GNA12: variants seen among roughly 807,000 people sequenced by gnomAD.
The protein encoded by GNA12 is G protein subunit alpha 12, also known as guanine nucleotide-binding protein subunit alpha-12.
Under a neutral mutation model 26.0 loss-of-function variants are expected in GNA12, and 9 were observed. The observed-to-expected ratio is 0.35, with a 90% CI of 0.21 to 0.60. The LOEUF is 0.60. Ranked by LOEUF, GNA12 falls within the 20% of genes least tolerant of loss-of-function variation. The pLI, the probability that GNA12 is intolerant of heterozygous loss-of-function variation, is 0.78. For synonymous variants in GNA12, 264 were observed against 219.6 expected (o/e 1.20, Z -1.79); for missense variants, 405 against 525.8 (o/e 0.77, Z 2.25).
intron 2 of GNA12, among the ~76,000 whole-genome samples, chr7:2,773,856 C>T (rs1234166804): frequency 6.6e-6 from 1 of 152,174 alleles, no homozygotes; most frequent in African/African-American, 2.4e-5. Context: ...GCTGAGCTGG[C>T]GTCTACCCGG....
intron 1 of GNA12, among the ~76,000 whole-genome samples, chr7:2,832,395 T>G (rs539217777): frequency 9.2e-5 from 14 of 152,316 alleles, no homozygotes; most frequent in African/African-American, 3.4e-4. Context: ...ACCCCGCATC[T>G]AGCCTGGCCT....
At chr7:2,732,319 G>A (rs564051965) in intron 3 of GNA12, among the ~76,000 whole-genome samples, 1 of 152,292 alleles carries the variant, frequency 6.6e-6, no homozygotes, top group East Asian at 1.9e-4. Flanking sequence ...TGGGAAGTGG[G>A]AGGAATACCT....
chr7:2,810,268 C>G (rs544578917), intron 1 of GNA12, among the ~76,000 whole-genome samples: 1 of 152,210 alleles, frequency 6.6e-6, no homozygotes, highest in African/African-American at 2.4e-5. Flanking sequence ...TCACTGTGTC[C>G]TCAGATGGTG....
rs537601330 is a variant in GNA12, at chr7:2,841,375, A to T, written c.309+2478T>A. On this transcript the variant is annotated intron_variant, in intron 1 of 3. Coordinates refer to ENST00000275364, the MANE Select transcript of GNA12 (RefSeq NM_007353.3). ...GAGTTGGAAGAAACTAGAGACAGTC[A>T]AACTGCTATACTTTTATGCCTGCCT... 2.0e-5 allele frequency among the ~76,000 whole-genome samples: 3 copies of T among 152,302 alleles called. No individual in the cohort carries two copies. In the East Asian group the frequency reaches 5.8e-4, roughly 29 times the overall value.
chr7:2,836,514 C>T (rs1778842635), intron 1 of GNA12, among the ~76,000 whole-genome samples: 1 of 152,184 alleles, frequency 6.6e-6, no homozygotes, highest in African/African-American at 2.4e-5. Context: ...CAAGCTGGAA[C>T]AGCCAAAAGG....
intron 2 of GNA12, among the ~76,000 whole-genome samples, chr7:2,743,118 G>T (rs1790593708): frequency 6.6e-6 from 1 of 152,220 alleles, no homozygotes; most frequent in African/African-American, 2.4e-5. Context: ...AAAAGAGTCA[G>T]TGAGGGAGAC....
At chr7:2,763,884 G>T (rs1190087053) in intron 2 of GNA12, among the ~76,000 whole-genome samples, 1 of 152,216 alleles carries the variant, frequency 6.6e-6, no homozygotes, top group Non-Finnish European at 1.5e-5. Flanking sequence ...GACGGAGAGA[G>T]AAGGAGCTCA....
chr7:2,786,044 G>T (rs558124917), intron 2 of GNA12, among the ~76,000 whole-genome samples: 3 of 152,362 alleles, frequency 2.0e-5, no homozygotes, highest in Admixed American at 1.3e-4. Context: ...TCCAGCCTGG[G>T]TGACACAGCG....
chr7:2,738,090 A>G (rs1790299024), intron 2 of GNA12, among the ~76,000 whole-genome samples: 1 of 152,126 alleles, frequency 6.6e-6, no homozygotes, highest in African/African-American at 2.4e-5. Context: ...TAATTTGGGT[A>G]CCTATGAATT....
chr7:2,735,801 T>A (rs1025991164), intron 2 of GNA12, among the ~76,000 whole-genome samples: 1 of 152,122 alleles, frequency 6.6e-6, no homozygotes, highest in Admixed American at 6.5e-5. Context: ...CGGCCTCATC[T>A]CGAGAAACAG....
chr7:2,749,126 A>G (rs1398878966), intron 2 of GNA12, among the ~76,000 whole-genome samples: 1 of 152,222 alleles, frequency 6.6e-6, no homozygotes, highest in Admixed American at 6.5e-5. Flanking sequence ...ATCTAGAACT[A>G]GAAATACCAT....
At chr7:2,792,504 A>G (rs1792545113) in intron 2 of GNA12, among the ~76,000 whole-genome samples, 1 of 152,252 alleles carries the variant, frequency 6.6e-6, no homozygotes, top group Admixed American at 6.5e-5. Context: ...CTCACTCAGT[A>G]CGATCAGCCC....
chr7:2,762,553 T>C, intron 2 of GNA12: 1 of 1,369,696 alleles, frequency 7.3e-7, no homozygotes, highest in Middle Eastern at 1.9e-4. Flanking sequence ...ATTCTGGAGT[T>C]AGATCCAATG....
At chr7:2,822,503 G>A (rs1227127618) in intron 1 of GNA12, among the ~76,000 whole-genome samples, 3 of 152,222 alleles carry the variant, frequency 2.0e-5, no homozygotes, top group African/African-American at 7.2e-5. Context: ...CAGCACTTTG[G>A]GAGGCCAAGG....
At chr7:2,828,449 G>A (rs1175945142) in intron 1 of GNA12, among the ~76,000 whole-genome samples, 1 of 152,168 alleles carries the variant, frequency 6.6e-6, no homozygotes, top group Non-Finnish European at 1.5e-5. Flanking sequence ...GAACTGCTGT[G>A]CTCAAGCGAT....
At chr7:2,823,281 C>T (rs1319160320) in intron 1 of GNA12, among the ~76,000 whole-genome samples, 1 of 152,060 alleles carries the variant, frequency 6.6e-6, no homozygotes, top group Non-Finnish European at 1.5e-5. Context: ...TCTACAGAGA[C>T]AAGAGGGAAC....
At chr7:2,782,327 T>G (rs1051775369) in intron 2 of GNA12, among the ~76,000 whole-genome samples, 7 of 152,340 alleles carry the variant, frequency 4.6e-5, no homozygotes, top group African/African-American at 1.7e-4. Flanking sequence ...TTTCAAACCT[T>G]CCATCAGAAA....
intron 1 of GNA12, among the ~76,000 whole-genome samples, chr7:2,795,942 T>G (rs1792658746): frequency 6.6e-6 from 1 of 151,680 alleles, no homozygotes; most frequent in Non-Finnish European, 1.5e-5. Context: ...TGCCTCAGCC[T>G]CCTAAGTAGC....
intron 2 of GNA12, among the ~76,000 whole-genome samples, chr7:2,746,781 T>C (rs577370236): frequency 5.3e-5 from 8 of 151,562 alleles, no homozygotes; most frequent in Non-Finnish European, 1.0e-4. Context: ...GCAAGACTAA[T>C]AAAGAAGAAA....
Sources: gnomAD v4.1 joint callset for allele counts (sites outside exome capture counted in the v4.1 genomes callset) on GRCh38, gnomAD v4.1.1 for gene constraint, MANE v1.5 for transcripts, NCBI Gene and HGNC (gene_info 2026-07-23, HGNC 2026-07-21) for gene names.